PRKCA: variants seen among roughly 807,000 people sequenced by gnomAD.
PRKCA encodes protein kinase C alpha type.
PRKCA carries 27 observed loss-of-function variants against 87.0 expected under a neutral mutation model. The ratio of observed to expected loss-of-function variants is 0.31; its 90% CI spans 0.23 to 0.43. The LOEUF (loss-of-function observed/expected upper bound fraction) is 0.43. PRKCA is among the 20% of genes least tolerant of loss of function. PRKCA has a pLI of 1.00. For missense variants in PRKCA, 518 were observed against 852.3 expected (o/e 0.61, Z 4.88); for synonymous variants, 329 against 311.1 (o/e 1.06, Z -0.61).
intron 2 of PRKCA, among the ~76,000 whole-genome samples, chr17:66,382,038 A>G (rs1909799912): frequency 6.6e-6 from 1 of 152,112 alleles, no homozygotes; most frequent in South Asian, 2.1e-4. Flanking sequence ...TCTGTTTGTC[A>G]CCATTATGGG....
chr17:66,796,800 A>C, intron 16 of PRKCA: 1 of 985,342 alleles, frequency 1.0e-6, no homozygotes, highest in Non-Finnish European at 1.2e-6. Context: ...TGCGGTTGCT[A>C]AGGCGCTCCA....
intron 8 of PRKCA, among the ~76,000 whole-genome samples, chr17:66,690,730 A>G (rs1164244576): frequency 6.6e-6 from 1 of 150,574 alleles, no homozygotes; most frequent in Non-Finnish European, 1.5e-5. Context: ...CCAGAGGCTG[A>G]GACACGAGAA....
Position 66,689,518 on chromosome 17 carries a change from A to G in PRKCA, c.918+471A>G, listed in dbSNP as rs1005476658. Among the ~76,000 whole-genome samples the G allele has an allele frequency of 1.3e-5, 2 of 152,196 alleles. No homozygotes were observed. The highest frequency in any genetic ancestry group is 4.1e-4 in the South Asian group (2 of 4,832). On this transcript the variant is annotated intron_variant, in intron 8 of 16. Transcript: ENST00000413366. The surrounding 1 kb of genome is among the most constrained non-coding windows in gnomAD (Gnocchi z 4.1). ...TGTTCTGAAAGAGCAGCTTAAACAA[A>G]TATGCCTTTGTGTGTGATCCCTTTT...
intron 13 of PRKCA, among the ~76,000 whole-genome samples, chr17:66,773,472 C>T (rs1468085332): frequency 6.7e-6 from 1 of 149,276 alleles, no homozygotes; most frequent in African/African-American, 2.5e-5. Context: ...CAGACTCAAA[C>T]TCTGAATGAC....
chr17:66,383,089 T>A (rs1453717578), intron 2 of PRKCA, among the ~76,000 whole-genome samples: 1 of 126,356 alleles, frequency 7.9e-6, no homozygotes, highest in South Asian at 2.5e-4. Context: ...TCAAAATTTT[T>A]AAAATTCACA....
intron 14 of PRKCA, among the ~76,000 whole-genome samples, chr17:66,782,642 T>C (rs995150694): frequency 6.6e-6 from 1 of 152,202 alleles, no homozygotes; most frequent in Non-Finnish European, 1.5e-5. Flanking sequence ...CCCCACCCCC[T>C]TCATTTTCAG....
intron 3 of PRKCA, among the ~76,000 whole-genome samples, chr17:66,633,352 T>A (rs1971071936): frequency 6.6e-6 from 1 of 152,098 alleles, no homozygotes; most frequent in African/African-American, 2.4e-5. Context: ...TCTTAAGAAA[T>A]TTAAGATCGC....
chr17:66,477,624 T>C (rs1230953894), intron 2 of PRKCA, among the ~76,000 whole-genome samples: 7 of 152,178 alleles, frequency 4.6e-5, no homozygotes, highest in Non-Finnish European at 5.9e-5. Flanking sequence ...TGCTTGAACC[T>C]GGGAGACGGA....
chr17:66,365,687 C>G (rs982277063), intron 2 of PRKCA, among the ~76,000 whole-genome samples: 2 of 152,094 alleles, frequency 1.3e-5, no homozygotes, highest in African/African-American at 4.8e-5. Flanking sequence ...TTCTCCTTGA[C>G]AGAAAATTGA....
intron 3 of PRKCA, among the ~76,000 whole-genome samples, chr17:66,527,744 A>T (rs1967395040): frequency 6.6e-6 from 1 of 152,268 alleles, no homozygotes; most frequent in African/African-American, 2.4e-5. Flanking sequence ...AATATTACAA[A>T]GACATTTTAA....
intron 8 of PRKCA, among the ~76,000 whole-genome samples, chr17:66,721,365 C>T (rs1290278482): frequency 6.8e-6 from 1 of 146,312 alleles, no homozygotes; most frequent in Admixed American, 6.9e-5. Context: ...CACTGCACTC[C>T]AGCCTGGGCA....
intron 3 of PRKCA, among the ~76,000 whole-genome samples, chr17:66,585,787 G>A (rs1253975221): frequency 6.6e-6 from 1 of 152,232 alleles, no homozygotes; most frequent in Non-Finnish European, 1.5e-5. Context: ...TTCCTGTCTT[G>A]TGTAAAGTGA....
At chr17:66,677,111 G>A (rs948855496) in intron 5 of PRKCA, 3 of 44,876 alleles carry the variant, frequency 6.7e-5, no homozygotes, top group East Asian at 1.1e-3. Flanking sequence ...ACTGAGTCTC[G>A]CTCTGTCGCC....
Position 66,786,965 on chromosome 17 carries a change from C to T in PRKCA, c.1704C>T (p.Val568=), listed in dbSNP as rs374703129. The change falls in exon 15 of 17, where the codon GTC becomes GTT. Residue 568 remains valine, a synonymous_variant. Coordinates refer to ENST00000413366, the MANE Select transcript of PRKCA (RefSeq NM_002737.3). ...PKSLSKEAVS[V]CKGLMTKHPA... ...CCTTGTCCAAGGAGGCTGTTTCTGT[C>T]TGCAAAGGAGTAAGTCGATTTGGAT... 6 of 1,602,818 alleles carry T rather than the reference C, an allele frequency of 3.7e-6. No homozygotes were observed. The African/African-American group carries it at 4.0e-5, about 11-fold the overall frequency.
At chr17:66,560,834 C>T (rs141680767) in intron 3 of PRKCA, among the ~76,000 whole-genome samples, 332 of 152,288 alleles carry the variant, frequency 2.2e-3, no homozygotes, top group African/African-American at 7.8e-3. Context: ...TTCTGCTGGG[C>T]AAGTCTGGCT....
intron 2 of PRKCA, among the ~76,000 whole-genome samples, chr17:66,352,269 T>G (rs980429507): frequency 6.6e-6 from 1 of 152,180 alleles, no homozygotes; most frequent in Admixed American, 6.5e-5. Flanking sequence ...TTTCTAATTA[T>G]TTTCTGCTCT....
chr17:66,306,429 C>G (rs778276634), intron 2 of PRKCA: 20 of 303,306 alleles, frequency 6.6e-5, no homozygotes, highest in Non-Finnish European at 1.0e-4. Context: ...AATGGAATCA[C>G]TTTGTATTCA....
chr17:66,438,745 C>A (rs1913550804), intron 2 of PRKCA, among the ~76,000 whole-genome samples: 1 of 152,110 alleles, frequency 6.6e-6, no homozygotes, highest in South Asian at 2.1e-4. Context: ...TCCTTCTTTA[C>A]AGCGCAGCAG....
chr17:66,803,988 C>T lies in PRKCA; in HGVS notation c.1970C>T (p.Ser657Leu), dbSNP rs369070488. Residue 657 changes from serine (S) to leucine (L), a missense_variant, in exon 17 of 17, where the codon TCG (serine) becomes TTG (leucine). Physicochemically the swap from Ser to Leu is moderately radical, Grantham distance 145 (BLOSUM62 -2). Coordinates refer to ENST00000413366, the MANE Select transcript of PRKCA (RefSeq NM_002737.3). The surrounding 1 kb of genome is among the most constrained non-coding windows in gnomAD (Gnocchi z 4.4). ...GACCAGTCTGATTTTGAAGGGTTCTCGTATGTCAACCCCCAGTTTGTGCAC... is the reference window on the plus strand; with the variant it reads ...GACCAGTCTGATTTTGAAGGGTTCTTGTATGTCAACCCCCAGTTTGTGCAC... Reference protein sequence around the residue: ...NIDQSDFEGFSYVNPQFVHPI... With the variant: ...NIDQSDFEGFLYVNPQFVHPI... 7 of 1,613,968 alleles carry T rather than the reference C, an allele frequency of 4.3e-6. No individual in the cohort carries two copies. Among genetic ancestry groups the T allele is most frequent in the Admixed American group, 1.7e-5 (1 of 60,002 alleles).
Sources: allele counts gnomAD v4.1 joint callset (sites outside exome capture counted in the v4.1 genomes callset), GRCh38; gene constraint gnomAD v4.1.1; non-coding constraint Gnocchi (gnomAD v3.1); transcripts MANE v1.5; gene names NCBI Gene and HGNC (gene_info 2026-07-23, HGNC 2026-07-21).